ATP8A2: variants seen among roughly 807,000 people sequenced by gnomAD.
ATP8A2 encodes phospholipid-transporting ATPase IB.
In ATP8A2, 100 loss-of-function variants were observed where a neutral mutation model predicts 165.6. The ratio of observed to expected loss-of-function variants is 0.60; its 90% CI spans 0.51 to 0.71. The LOEUF is 0.71. ATP8A2 is among the 30% of genes least tolerant of loss of function. ATP8A2 has a pLI of 0.00. For missense variants in ATP8A2, 1,227 were observed against 1,479.5 expected (o/e 0.83, Z 2.80); for synonymous variants, 543 against 548.8 (o/e 0.99, Z 0.15).
chr13:25,595,819 A>AGAG (rs2040222610), intron 24 of ATP8A2, among the ~76,000 whole-genome samples: 1 of 152,092 alleles, frequency 6.6e-6, no homozygotes, highest in African/African-American at 2.4e-5. Context: ...CCTCAGAGAG[A>AGAG]GAGGAGGAGG....
rs564266832 is a variant in ATP8A2, at chr13:25,509,631, G to A, written c.222-20368G>A. Among the ~76,000 whole-genome samples the A allele has an allele frequency of 2.9e-4, 44 of 151,638 alleles. No individual in the cohort carries two copies. In the South Asian group the frequency reaches 4.2e-3, roughly 14 times the overall value. On this transcript the variant is annotated intron_variant, in intron 2 of 36. Transcript: ENST00000381655. ...CACTTCTGTGCCCAATTTTGTTTTCGTAATACTGTATTTTTCTTAAAGCAA... is the reference window on the plus strand; with the variant it reads ...CACTTCTGTGCCCAATTTTGTTTTCATAATACTGTATTTTTCTTAAAGCAA...
chr13:25,613,132 A>G (rs570729879), intron 24 of ATP8A2, among the ~76,000 whole-genome samples: 1 of 152,310 alleles, frequency 6.6e-6, no homozygotes, highest in Non-Finnish European at 1.5e-5. Context: ...CAACGTTAGC[A>G]TTGAGATGTA....
chr13:25,461,543 T>C (rs2035502380), intron 1 of ATP8A2, among the ~76,000 whole-genome samples: 1 of 152,220 alleles, frequency 6.6e-6, no homozygotes, highest in Non-Finnish European at 1.5e-5. Flanking sequence ...ACTGTTTTCC[T>C]AGAGATTTTT....
At chr13:25,495,596 A>AC (rs2036651167) in intron 2 of ATP8A2, among the ~76,000 whole-genome samples, 1 of 144,990 alleles carries the variant, frequency 6.9e-6, no homozygotes, top group Non-Finnish European at 1.5e-5. Flanking sequence ...AGAAGCTGGG[A>AC]CCACAGGCAT....
intron 24 of ATP8A2, among the ~76,000 whole-genome samples, chr13:25,643,429 G>A (rs1486416915): frequency 1.3e-5 from 2 of 152,080 alleles, no homozygotes; most frequent in Non-Finnish European, 2.9e-5. Flanking sequence ...CCCCTGCTGT[G>A]TGAAGCTTTT....
chr13:25,652,491 C>G (rs967041056), intron 24 of ATP8A2, among the ~76,000 whole-genome samples: 1 of 152,136 alleles, frequency 6.6e-6, no homozygotes, highest in African/African-American at 2.4e-5. Flanking sequence ...CTTCCTTATT[C>G]TTATTTTTTA....
At chr13:25,992,218 CTTTT>C (rs560341350) in intron 35 of ATP8A2, among the ~76,000 whole-genome samples, 1 of 120,554 alleles carries the variant, frequency 8.3e-6, no homozygotes, top group African/African-American at 3.1e-5. Flanking sequence ...CAGTGCTGTC[CTTTT>C]TTTTTTTTTT....
intron 24 of ATP8A2, among the ~76,000 whole-genome samples, chr13:25,666,376 A>AT (rs1011693928): frequency 1.4e-5 from 2 of 146,886 alleles, no homozygotes; most frequent in African/African-American, 5.3e-5. Context: ...TGCCCGGCTA[A>AT]TTTTTTGTGT....
intron 30 of ATP8A2, among the ~76,000 whole-genome samples, chr13:25,843,281 C>T (rs1197174784): frequency 1.3e-5 from 2 of 152,088 alleles, no homozygotes; most frequent in African/African-American, 4.8e-5. Context: ...GGTGCCTGGA[C>T]TCTGAACTCT....
chr13:25,760,856 T>C (rs2044365997), intron 25 of ATP8A2, among the ~76,000 whole-genome samples: 1 of 152,216 alleles, frequency 6.6e-6, no homozygotes, highest in Non-Finnish European at 1.5e-5. Context: ...TATGGAAACA[T>C]TTAACCTTAG....
At chr13:25,850,017 T>G (rs1286721499) in intron 30 of ATP8A2, among the ~76,000 whole-genome samples, 1 of 152,238 alleles carries the variant, frequency 6.6e-6, no homozygotes, top group Non-Finnish European at 1.5e-5. Context: ...TTGTTGTTGT[T>G]GTTTACCCTG....
At chr13:25,909,756 C>G (rs904784901) in intron 33 of ATP8A2, among the ~76,000 whole-genome samples, 1 of 152,118 alleles carries the variant, frequency 6.6e-6, no homozygotes, top group Non-Finnish European at 1.5e-5. Flanking sequence ...TTTCATCTTC[C>G]CAAACAGATC....
intron 28 of ATP8A2, among the ~76,000 whole-genome samples, chr13:25,829,485 G>A (rs947201105): frequency 6.6e-6 from 1 of 151,644 alleles, no homozygotes; most frequent in Admixed American, 6.6e-5. Context: ...ACTATTTTAA[G>A]TAGGTTAAAG....
At chr13:25,881,377 G>A in intron 33 of ATP8A2, among the ~76,000 whole-genome samples, 1 of 152,110 alleles carries the variant, frequency 6.6e-6, no homozygotes, top group East Asian at 1.9e-4. Context: ...CCACATCCAT[G>A]CTGAAGTTTC....
At chr13:25,636,724 T>G (rs2041377249) in intron 24 of ATP8A2, among the ~76,000 whole-genome samples, 1 of 152,178 alleles carries the variant, frequency 6.6e-6, no homozygotes, top group East Asian at 1.9e-4. Flanking sequence ...TCCCTAGTTT[T>G]TAGAAGCAGT....
chr13:25,591,141 G>GTT (rs2040064064), intron 24 of ATP8A2: 1 of 392,946 alleles, frequency 2.5e-6, no homozygotes, highest in Non-Finnish European at 5.2e-6. Flanking sequence ...CTATGTGTGT[G>GTT]TGTGTGTGTG....
chr13:25,914,620 C>G lies in ATP8A2; in HGVS notation c.3184-46955C>G, dbSNP rs545863850. ...CTCAATGCTGATGTACTGGTGTGGC[C>G]CTGTCATCTTCTGCTCAACTACAGC... On this transcript the variant is annotated intron_variant, in intron 33 of 36. Transcript: ENST00000381655. 7.9e-5 allele frequency among the ~76,000 whole-genome samples: 12 copies of G among 152,258 alleles called. No homozygotes were observed. In the South Asian group the frequency reaches 2.5e-3, roughly 32 times the overall value.
intron 23 of ATP8A2, among the ~76,000 whole-genome samples, chr13:25,584,481 G>A (rs1374119041): frequency 6.6e-6 from 1 of 152,146 alleles, no homozygotes; most frequent in Non-Finnish European, 1.5e-5. Context: ...GTATCTAGCA[G>A]TTCTCCTTCT....
At chr13:25,643,732 G>C (rs537076381) in intron 24 of ATP8A2, among the ~76,000 whole-genome samples, 1 of 148,214 alleles carries the variant, frequency 6.7e-6, no homozygotes, top group South Asian at 2.2e-4. Context: ...GATTGCTTTG[G>C]TTTTGTTTTG....
Sources: gnomAD v4.1 joint callset for allele counts (sites outside exome capture counted in the v4.1 genomes callset) on GRCh38, gnomAD v4.1.1 for gene constraint, MANE v1.5 for transcripts, NCBI Gene and HGNC (gene_info 2026-07-23, HGNC 2026-07-21) for gene names.